Variants in LRP2 observed in about 807,000 individuals in gnomAD.
LRP2 encodes low-density lipoprotein receptor-related protein 2.
A neutral mutation model predicts 531.0 loss-of-function variants in LRP2; 172 were observed. That is an observed-to-expected ratio of 0.32 (90% confidence interval 0.29 to 0.37). The LOEUF is 0.37. Among genes scored for constraint, LRP2 ranks in the 10% least tolerant of loss-of-function variants. LRP2 has a pLI of 1.00. For missense variants in LRP2, 5,167 were observed against 5,868.3 expected (o/e 0.88, Z 3.90); for synonymous variants, 1,992 against 2,027.6 (o/e 0.98, Z 0.47).
intron 30 of LRP2, 64 bp from the exon 31 acceptor site, chr2:169,231,906 G>A (rs1402810509): frequency 1.3e-6 from 2 of 1,588,282 alleles, no homozygotes; most frequent in Non-Finnish European, 1.7e-6. Context: ...TCAAAACAGA[G>A]TCATGCTCTT....
rs748649405 is a variant in LRP2 at position 169,279,468 on chromosome 2, C to T, written c.1469G>A (p.Arg490His). ...KIYLVETKVN[R>H]IDMVNLDGSY... Reference sequence around the variant, plus strand: ...TCCATCCAAATTTACCATATCTATGCGGTTGACCTTGGTTTCCACTAGATA... The same window carrying T: ...TCCATCCAAATTTACCATATCTATGTGGTTGACCTTGGTTTCCACTAGATA... The change falls in exon 12 of 79, where the codon CGC (arginine) becomes CAC (histidine). Residue 490 changes from arginine (R) to histidine (H), a missense_variant. By Grantham distance (29) the Arg-to-His change is conservative (BLOSUM62 0). Transcript: ENST00000649046. 2.9e-5 allele frequency: 47 copies of T among 1,613,722 alleles called. No individual in the cohort carries two copies. The highest frequency in any genetic ancestry group is 1.7e-4 in the Admixed American group (10 of 59,996).
chr2:169,173,015 C>CCGTCGGG, intron 57 of LRP2, 81 bp downstream of exon 57: 1 of 1,399,860 alleles, frequency 7.1e-7, no homozygotes, highest in Non-Finnish European at 1.0e-6. Context: ...GGGAAATACA[C>CCGTCGGG]TCTCATCTCT....
At chr2:169,321,594 T>A (rs1317450761) in intron 1 of LRP2, among the ~76,000 whole-genome samples, 1 of 152,202 alleles carries the variant, frequency 6.6e-6, no homozygotes, top group Non-Finnish European at 1.5e-5. Flanking sequence ...AAGTGATTTT[T>A]TATTACTAAA....
intron 35 of LRP2, among the ~76,000 whole-genome samples, chr2:169,215,838 TTA>T (rs1688769369): frequency 6.7e-6 from 1 of 148,992 alleles, no homozygotes. Flanking sequence ...TCTATATTTT[TTA>T]TATATATATT....
At chr2:169,200,079 T>C (rs1302045858) in intron 44 of LRP2, among the ~76,000 whole-genome samples, 1 of 152,106 alleles carries the variant, frequency 6.6e-6, no homozygotes, top group Admixed American at 6.6e-5. Context: ...TGAAACCTCG[T>C]CTCTACTAAA....
At chr2:169,269,121 A>G (rs1559049022) in intron 16 of LRP2, among the ~76,000 whole-genome samples, 1 of 152,244 alleles carries the variant, frequency 6.6e-6, no homozygotes, top group Non-Finnish European at 1.5e-5. Flanking sequence ...AACAAATGGA[A>G]GAACAATCCA....
chr2:169,285,660 C>T lies in LRP2; in HGVS notation c.1043-2659G>A, dbSNP rs187923230. On this transcript the variant is annotated intron_variant, in intron 9 of 78. Transcript: ENST00000649046. Reference sequence around the variant, plus strand: ...TCTGATCCATCTGGCTGTGTGAAACCCCACCATGCTGAATGACCTCCCTGC... The same window carrying T: ...TCTGATCCATCTGGCTGTGTGAAACTCCACCATGCTGAATGACCTCCCTGC... 2.6e-5 allele frequency among the ~76,000 whole-genome samples: 4 copies of T among 152,156 alleles called. No individual in the cohort carries two copies. The East Asian group carries it at 7.7e-4, about 29-fold the overall frequency.
chr2:169,320,696 C>T (rs1261674805), intron 2 of LRP2, 81 bp downstream of exon 2: 1 of 1,194,286 alleles, frequency 8.4e-7, no homozygotes, highest in Non-Finnish European at 1.3e-6. Context: ...AGGCATAGCT[C>T]TTCTCTTTGT....
chr2:169,273,504 C>T (rs923568764), intron 14 of LRP2, among the ~76,000 whole-genome samples: 5 of 152,120 alleles, frequency 3.3e-5, no homozygotes, highest in Admixed American at 6.6e-5. Context: ...TATTAGTCCT[C>T]CAATTTTACA....
At chr2:169,245,018 T>A (rs1012217862) in intron 21 of LRP2, 86 bp from the exon 22 acceptor site, 2 of 1,427,772 alleles carry the variant, frequency 1.4e-6, no homozygotes, top group Admixed American at 1.7e-5. Flanking sequence ...TCAGTTCACC[T>A]TTTTTAATGG....
chr2:169,256,843 C>T (rs1246417340), intron 18 of LRP2, among the ~76,000 whole-genome samples: 1 of 152,132 alleles, frequency 6.6e-6, no homozygotes, highest in Non-Finnish European at 1.5e-5. Context: ...CCACCTCCCC[C>T]ATCTTGAGTT....
At chr2:169,268,162 G>A (rs932660353) in intron 16 of LRP2, among the ~76,000 whole-genome samples, 3 of 152,096 alleles carry the variant, frequency 2.0e-5, no homozygotes, top group African/African-American at 2.4e-5. Flanking sequence ...ATTCACAGCC[G>A]AATTCTACCA....
At chr2:169,170,696 T>C (rs2105276121) in intron 58 of LRP2, 29 bp from the exon 59 acceptor site, 4 of 1,469,920 alleles carry the variant, frequency 2.7e-6, no homozygotes, top group Non-Finnish European at 3.8e-6. Flanking sequence ...TGGCCATGAG[T>C]GTGCACCAGG....
chr2:169,314,075 C>T lies in LRP2; in HGVS notation c.310+4687G>A, dbSNP rs544824375. Among the ~76,000 whole-genome samples, 16 of 152,142 alleles carry T rather than the reference C, an allele frequency of 1.1e-4. No individual in the cohort carries two copies. The South Asian group carries it at 3.1e-3, about 30-fold the overall frequency. On this transcript the variant is annotated intron_variant, in intron 3 of 78. Transcript: ENST00000649046. ...AAAATTAGATCTGTTAAGGAATGTACCCCCAAAACTTAACATGAAAAACCT... is the reference window on the plus strand; with the variant it reads ...AAAATTAGATCTGTTAAGGAATGTATCCCCAAAACTTAACATGAAAAACCT...
intron 34 of LRP2, among the ~76,000 whole-genome samples, chr2:169,217,320 T>C (rs1271244070): frequency 2.6e-5 from 4 of 152,150 alleles, no homozygotes; most frequent in Non-Finnish European, 5.9e-5. Context: ...TACCCGTCCT[T>C]TGAATTTCAT....
At chr2:169,277,632 T>C in intron 13 of LRP2, 113 bp downstream of exon 13, 1 of 953,064 alleles carries the variant, frequency 1.0e-6, no homozygotes, top group Middle Eastern at 2.5e-4. Context: ...AAAGCTATCA[T>C]GTCCACCAAC....
intron 4 of LRP2, among the ~76,000 whole-genome samples, chr2:169,296,549 T>A (rs368499399): frequency 2.0e-5 from 3 of 152,016 alleles, no homozygotes; most frequent in African/African-American, 7.2e-5. Flanking sequence ...CAATGTGTTA[T>A]CTAGCCTTTT....
chr2:169,239,729 A>G lies in LRP2; in HGVS notation c.4092T>C (p.Cys1364=), dbSNP rs200311104. The part of the protein sequence containing the change: ...SDFNGGCTHE[C]VQEPFGAKCL... The stretch of plus-strand genomic sequence containing the variant: ...ATTTAGCCCCAAAGGGCTCTTGAAC[A>G]CACTCGTGAGTACAACCACCATTGA... The change falls in exon 26 of 79, where the codon TGT becomes TGC. Residue 1364 remains cysteine (C), a synonymous_variant. Transcript: ENST00000649046. 151 of 1,613,962 alleles carry G rather than the reference A, an allele frequency of 9.4e-5. No homozygotes were observed. The highest frequency in any genetic ancestry group is 8.4e-5 in the Non-Finnish European group (99 of 1,179,904).
At chr2:169,312,100 G>C (rs566411158) in intron 3 of LRP2, among the ~76,000 whole-genome samples, 1 of 152,010 alleles carries the variant, frequency 6.6e-6, no homozygotes, top group African/African-American at 2.4e-5. Context: ...GTGTGTCTCT[G>C]CACGTGAGAT....
Sources: allele counts gnomAD v4.1 joint callset (sites outside exome capture counted in the v4.1 genomes callset), GRCh38; gene constraint gnomAD v4.1.1; transcripts MANE v1.5; gene names NCBI Gene and HGNC (gene_info 2026-07-23, HGNC 2026-07-21).